FRMD3: variants seen among roughly 807,000 people sequenced by gnomAD.
The protein encoded by FRMD3 is FERM domain-containing protein 3.
FRMD3 carries 33 observed loss-of-function variants against 70.2 expected under a neutral mutation model. The ratio of observed to expected loss-of-function variants is 0.47; its 90% CI spans 0.36 to 0.63. The LOEUF is 0.63. Ranked by LOEUF, FRMD3 falls within the 20% of genes least tolerant of loss-of-function variation. The pLI is 0.00. For synonymous variants in FRMD3, 279 were observed against 255.9 expected (o/e 1.09, Z -0.86); for missense variants, 632 against 711.4 (o/e 0.89, Z 1.27).
At chr9:83,490,575 C>T (rs929612338) in intron 1 of FRMD3, among the ~76,000 whole-genome samples, 1 of 152,102 alleles carries the variant, frequency 6.6e-6, no homozygotes, top group Non-Finnish European at 1.5e-5. Context: ...AGCCATGGTG[C>T]CCAGCCTGTA....
rs1832152496 is a variant in FRMD3 at position 83,247,314 on chromosome 9, A to T, written c.*604T>A. On this transcript the variant is annotated 3_prime_UTR_variant, in exon 14 of 14. Transcript: ENST00000304195. ...AAAAACAAAGTAGCGCCAAAACATT[A>T]AAAAAATTCTGATATACCTTTTGTG... is the stretch of plus-strand genomic sequence containing the variant. 2.0e-6 allele frequency: 2 copies of T among 984,950 alleles called. No individual in the cohort carries two copies. The highest frequency in any genetic ancestry group is 2.4e-6 in the Non-Finnish European group (2 of 829,524). The allele number at this position is 984,950 out of a possible 1,614,324, so 61.0% of individuals were successfully genotyped here.
chr9:83,289,826 G>T (rs1834348337), intron 13 of FRMD3, among the ~76,000 whole-genome samples: 2 of 152,178 alleles, frequency 1.3e-5, no homozygotes, highest in African/African-American at 4.8e-5. Flanking sequence ...ACAAATCTTT[G>T]AAATTAATAA....
At chr9:83,267,871 G>T (rs1833347060) in intron 13 of FRMD3, among the ~76,000 whole-genome samples, 1 of 152,142 alleles carries the variant, frequency 6.6e-6, no homozygotes, top group Non-Finnish European at 1.5e-5. Flanking sequence ...AGCTATATAT[G>T]GTTGCTGTCA....
intron 1 of FRMD3, among the ~76,000 whole-genome samples, chr9:83,533,641 G>A (rs1174524296): frequency 6.6e-6 from 1 of 152,144 alleles, no homozygotes; most frequent in Non-Finnish European, 1.5e-5. Context: ...CCATTCAACT[G>A]ATGTTTAATG....
intron 2 of FRMD3, among the ~76,000 whole-genome samples, chr9:83,375,295 C>G (rs1302205861): frequency 6.6e-6 from 1 of 152,244 alleles, no homozygotes; most frequent in Non-Finnish European, 1.5e-5. Flanking sequence ...GTTATTTACT[C>G]TAAATAAACT....
intron 1 of FRMD3, among the ~76,000 whole-genome samples, chr9:83,466,551 C>T (rs140810495): frequency 2.0e-5 from 3 of 152,212 alleles, no homozygotes; most frequent in African/African-American, 4.8e-5. Flanking sequence ...ATGTGCTGAG[C>T]GTTTGCCTAA....
intron 1 of FRMD3, among the ~76,000 whole-genome samples, chr9:83,419,321 A>G (rs566123277): frequency 2.6e-5 from 4 of 152,342 alleles, no homozygotes; most frequent in Admixed American, 2.0e-4. Flanking sequence ...AAGATTAACC[A>G]TAAAAAAAAG....
At chr9:83,479,704 GAAA>G (rs1828505079) in intron 1 of FRMD3, among the ~76,000 whole-genome samples, 1 of 64,888 alleles carries the variant, frequency 1.5e-5, no homozygotes, top group African/African-American at 7.5e-5. Flanking sequence ...AAGAAAGAAA[GAAA>G]GAAAGAAAGA....
rs1823821103 is a variant in FRMD3, at chr9:83,342,910, C to G, written c.472+280G>C. On this transcript the variant is annotated intron_variant, in intron 5 of 13. Coordinates refer to ENST00000304195, the MANE Select transcript of FRMD3 (RefSeq NM_174938.6). The stretch of plus-strand genomic sequence containing the variant: ...CTTATAAACCCACCCATTCCACATT[C>G]CAGCCCCTTTGAAAGAGAGCTTTTG... Among the ~76,000 whole-genome samples the G allele has an allele frequency of 2.6e-5, 4 of 152,190 alleles. No individual in the cohort carries two copies. The South Asian group carries it at 6.2e-4, about 24-fold the overall frequency.
chr9:83,442,254 C>CTT (rs57472225), intron 1 of FRMD3, among the ~76,000 whole-genome samples: 92 of 121,508 alleles, frequency 7.6e-4, no homozygotes, highest in Non-Finnish European at 1.2e-3. Context: ...TTATACAGAT[C>CTT]TTTTTTTTTT....
At chr9:83,528,215 G>C (rs1267499968) in intron 1 of FRMD3, among the ~76,000 whole-genome samples, 1 of 152,110 alleles carries the variant, frequency 6.6e-6, no homozygotes, top group Non-Finnish European at 1.5e-5. Flanking sequence ...TTCAGTTAGA[G>C]AGCAAGTGAA....
At chr9:83,415,312 G>C (rs911487595) in intron 1 of FRMD3, among the ~76,000 whole-genome samples, 4 of 152,202 alleles carry the variant, frequency 2.6e-5, no homozygotes, top group Admixed American at 1.3e-4. Context: ...GGCTCTGGAG[G>C]AGCAAATGGA....
the FRMD3 span, among the ~76,000 whole-genome samples, chr9:83,555,258 C>A: frequency 1.1e-4 from 16 of 152,172 alleles, no homozygotes; most frequent in African/African-American, 3.9e-4. Context: ...GCTCACCCCT[C>A]TCTCTGGGAG....
At chr9:83,347,606 A>G (rs937240550) in intron 4 of FRMD3, among the ~76,000 whole-genome samples, 2 of 152,178 alleles carry the variant, frequency 1.3e-5, no homozygotes, top group African/African-American at 4.8e-5. Flanking sequence ...TTTTGTGGTT[A>G]TTTTTATTAT....
At chr9:83,379,200 T>C (rs1825282032) in intron 2 of FRMD3, among the ~76,000 whole-genome samples, 1 of 152,102 alleles carries the variant, frequency 6.6e-6, no homozygotes, top group Non-Finnish European at 1.5e-5. Flanking sequence ...GAGTTATGAG[T>C]TGGCCAGTGA....
intron 10 of FRMD3, among the ~76,000 whole-genome samples, chr9:83,308,598 T>C (rs898816875): frequency 6.6e-6 from 1 of 152,162 alleles, no homozygotes; most frequent in African/African-American, 2.4e-5. Flanking sequence ...TTGCATCCAC[T>C]ACCACTGCCT....
At chr9:83,365,878 T>C (rs1824770012) in intron 3 of FRMD3, among the ~76,000 whole-genome samples, 2 of 152,008 alleles carry the variant, frequency 1.3e-5, no homozygotes, top group African/African-American at 4.8e-5. Context: ...TGAGTGCCAA[T>C]GAGAAAGAGA....
At chr9:83,261,100 T>TAC (rs1402795499) in intron 13 of FRMD3, among the ~76,000 whole-genome samples, 96 of 27,052 alleles carry the variant, frequency 3.5e-3, no homozygotes, top group African/African-American at 8.7e-3. Context: ...AAAGGAAACT[T>TAC]AGACACACAC....
intron 1 of FRMD3, among the ~76,000 whole-genome samples, chr9:83,454,151 T>C (rs1188700079): frequency 6.6e-6 from 1 of 152,260 alleles, no homozygotes; most frequent in Non-Finnish European, 1.5e-5. Context: ...TATTCATTTA[T>C]TGTCATTACA....
Sources: gnomAD v4.1 joint callset for allele counts (sites outside exome capture counted in the v4.1 genomes callset) on GRCh38, gnomAD v4.1.1 for gene constraint, MANE v1.5 for transcripts, NCBI Gene and HGNC (gene_info 2026-07-23, HGNC 2026-07-21) for gene names.